Variants in SAMHD1 observed in about 807,000 individuals in gnomAD.
The protein encoded by SAMHD1 is SAM and HD domain containing deoxynucleoside triphosphate triphosphohydrolase 1.
SAMHD1 carries 54 observed loss-of-function variants against 79.6 expected under a neutral mutation model. The observed-to-expected ratio is 0.68, with a 90% CI of 0.55 to 0.85. SAMHD1 has a LOEUF of 0.85. SAMHD1 is among the 40% of genes least tolerant of loss of function. The pLI is 0.00. For missense variants in SAMHD1, 663 were observed against 782.7 expected (o/e 0.85, Z 1.82); for synonymous variants, 260 against 264.1 (o/e 0.98, Z 0.15).
chr20:36,906,391 T>C (rs1411061272), intron 11 of SAMHD1, among the ~76,000 whole-genome samples: 1 of 152,206 alleles, frequency 6.6e-6, no homozygotes, highest in Non-Finnish European at 1.5e-5. Flanking sequence ...TGAGCCGAGA[T>C]GGCGCCACTG....
At chr20:36,895,952 T>C (rs1031137085) in intron 15 of SAMHD1, among the ~76,000 whole-genome samples, 2 of 152,102 alleles carry the variant, frequency 1.3e-5, no homozygotes, top group African/African-American at 4.8e-5. Flanking sequence ...TAGATTTACA[T>C]TGTAGTAGGT....
At chr20:36,933,904 G>A (rs1359638322) in intron 4 of SAMHD1, among the ~76,000 whole-genome samples, 1 of 151,924 alleles carries the variant, frequency 6.6e-6, no homozygotes, top group African/African-American at 2.4e-5. Flanking sequence ...AAATTAGCCA[G>A]GCGTGGTGGT....
chr20:36,942,359 G>A (rs1020775410), intron 2 of SAMHD1, among the ~76,000 whole-genome samples: 7 of 152,052 alleles, frequency 4.6e-5, no homozygotes, highest in African/African-American at 1.2e-4. Flanking sequence ...CGGAGATTGC[G>A]GTGAGCCGAG....
intron 14 of SAMHD1, 110 bp from the exon 15 acceptor site, chr20:36,898,069 T>A: frequency 7.3e-7 from 1 of 1,371,222 alleles, no homozygotes; most frequent in Non-Finnish European, 1.0e-6. Context: ...GATCTCCCTG[T>A]CACCCAGGCT....
At chr20:36,901,572 C>T (rs58664618) in intron 13 of SAMHD1, among the ~76,000 whole-genome samples, 55,640 of 151,586 alleles carry the variant, frequency 0.37, 11,097 homozygotes, top group South Asian at 0.57. Flanking sequence ...CCTATCTATA[C>T]AAAAAACTTA....
intron 2 of SAMHD1, among the ~76,000 whole-genome samples, chr20:36,944,192 A>G (rs2063668436): frequency 7.4e-6 from 1 of 134,802 alleles, no homozygotes; most frequent in East Asian, 2.2e-4. Context: ...CTAAAAATAC[A>G]AAAAATTAAC....
At chr20:36,918,422 C>T (rs1159915678) in intron 7 of SAMHD1, among the ~76,000 whole-genome samples, 1 of 150,366 alleles carries the variant, frequency 6.7e-6, no homozygotes, top group Admixed American at 6.6e-5. Flanking sequence ...AGTTCGAAAC[C>T]AGCTTAGGCA....
intron 13 of SAMHD1, chr20:36,903,942 A>C (rs2063390947): frequency 2.0e-6 from 1 of 509,314 alleles, no homozygotes; most frequent in Admixed American, 3.3e-5. Context: ...TAATATAGAC[A>C]ATGTAATCAC....
At chr20:36,931,916 C>G (rs904621048) in intron 4 of SAMHD1, among the ~76,000 whole-genome samples, 7 of 152,010 alleles carry the variant, frequency 4.6e-5, no homozygotes, top group African/African-American at 1.7e-4. Flanking sequence ...GTGAAATAAG[C>G]CAGTGACAAA....
Position 36,935,030 on chromosome 20 carries a change from C to G in SAMHD1, c.508G>C (p.Gly170Arg), listed in dbSNP as rs1373478336. The G allele has an allele frequency of 6.2e-7, 1 of 1,613,998 alleles. No individual in the cohort carries two copies. The highest frequency in any genetic ancestry group is 1.7e-5 in the Admixed American group (1 of 59,976). The change falls in exon 4 of 16, where the codon GGG becomes CGG. Residue 170 changes from glycine to arginine, a missense_variant and splice_region_variant. Physicochemically the swap from Gly to Arg is moderately radical, Grantham distance 125 (BLOSUM62 -2). Coordinates refer to ENST00000646673, the MANE Select transcript of SAMHD1 (RefSeq NM_015474.4). ...ASHNRFEHSL[G>R]VGYLAGCLVH... is the part of the protein sequence containing the mutation. ...TTCCCCACCCCATTCCCTTCTTACC[C>G]TAGACTATGCTCAAATCGATTGTGT...
chr20:36,914,084 C>CTATAGTATAGTATA (rs1568768186), intron 9 of SAMHD1, among the ~76,000 whole-genome samples: 1 of 151,178 alleles, frequency 6.6e-6, no homozygotes, highest in African/African-American at 2.5e-5. Flanking sequence ...TAGTACTATA[C>CTATAGTATAGTATA]TACTTTTTGA....
intron 1 of SAMHD1, among the ~76,000 whole-genome samples, chr20:36,949,755 CAAAAA>C (rs34682795): frequency 1.4e-5 from 1 of 69,800 alleles, no homozygotes; most frequent in Non-Finnish European, 2.5e-5. Context: ...GACTCTGTCT[CAAAAA>C]AAAAAAAAAA....
rs117992047 is a variant in SAMHD1, at chr20:36,915,507, C to T, written c.1062+1215G>A. Among the ~76,000 whole-genome samples, 10 of 151,422 alleles carry T rather than the reference C, an allele frequency of 6.6e-5. No homozygotes were observed. In the East Asian group the frequency reaches 1.4e-3, roughly 21 times the overall value. ...ATGCCAGCACTTTGGGAGGCTGAAG[C>T]GGGTGGATCACTTGAGGTGAGGAGT... On this transcript the variant is annotated intron_variant, in intron 9 of 15. Transcript: ENST00000646673.
chr20:36,917,975 G>C (rs1258789598), intron 7 of SAMHD1, among the ~76,000 whole-genome samples: 1 of 151,786 alleles, frequency 6.6e-6, no homozygotes, highest in South Asian at 2.1e-4. Context: ...CCATTGAACT[G>C]GTTCAACTTT....
chr20:36,904,410 G>A, intron 12 of SAMHD1, 161 bp from the exon 13 acceptor site: 8 of 653,498 alleles, frequency 1.2e-5, no homozygotes, highest in South Asian at 3.3e-5. Context: ...AACAAAGAGA[G>A]CATTTTTGTA....
intron 3 of SAMHD1, 175 bp from the exon 4 acceptor site, chr20:36,935,364 CAGA>C: frequency 1.6e-6 from 1 of 623,648 alleles, no homozygotes; most frequent in Admixed American, 2.6e-5. Flanking sequence ...CACTACCAGA[CAGA>C]TCAAGTATAT....
chr20:36,893,146 G>A, intron 15 of SAMHD1, 80 bp from the exon 16 acceptor site: 1 of 1,536,542 alleles, frequency 6.5e-7, no homozygotes, highest in Non-Finnish European at 8.9e-7. Context: ...AGTCTCAAGT[G>A]CGCACATCCT....
intron 4 of SAMHD1, among the ~76,000 whole-genome samples, chr20:36,932,472 T>C (rs1463022933): frequency 1.4e-5 from 2 of 147,634 alleles, no homozygotes; most frequent in African/African-American, 5.0e-5. Flanking sequence ...TTTTTTTTTT[T>C]TGAGATGGAG....
At position 36,892,214 on chromosome 20, in the gene SAMHD1, A is replaced by G; in HGVS notation, c.*718T>C. ...TCCCCAAAACCTAATCAGGCCTCTC[A>G]CCAGCGTGTTGGAGGCCACTCCTGG... On this transcript the variant is annotated 3_prime_UTR_variant, in exon 16 of 16. Transcript: ENST00000646673. The G allele has an allele frequency of 6.5e-6, 1 of 153,310 alleles. No individual in the cohort carries two copies. Among genetic ancestry groups the G allele is most frequent in the East Asian group, 1.9e-4 (1 of 5,212 alleles). 9.5% of individuals were successfully genotyped at this position (153,310 alleles called of 1,614,324 possible).
Sources: allele counts gnomAD v4.1 joint callset (sites outside exome capture counted in the v4.1 genomes callset), GRCh38; gene constraint gnomAD v4.1.1; transcripts MANE v1.5; gene names NCBI Gene and HGNC (gene_info 2026-07-23, HGNC 2026-07-21).